The following COL12A1 variants were observed in gnomAD, a reference collection of about 807,000 sequenced individuals.
COL12A1 encodes the protein collagen alpha-1(XII) chain.
Under a neutral mutation model 349.7 loss-of-function variants are expected in COL12A1, and 114 were observed. The observed-to-expected ratio is 0.33, with a 90% CI of 0.28 to 0.38. The LOEUF (loss-of-function observed/expected upper bound fraction) is 0.38. Among genes scored for constraint, COL12A1 ranks in the 10% least tolerant of loss-of-function variants. The probability of loss-of-function intolerance (pLI) is 1.00; values close to 1 mark genes in which losing one functional copy is unlikely to be tolerated. For missense variants in COL12A1, 3,284 were observed against 3,756.9 expected, an observed-to-expected ratio of 0.87 and a Z score of 3.29; for synonymous variants, 1,369 against 1,329.0, an observed-to-expected ratio of 1.03 and a Z score of -0.66.
chr6:75,201,612 A>G (rs1300265140), intron 2 of COL12A1, among the ~76,000 whole-genome samples: 2 of 151,248 alleles, frequency 1.3e-5, no homozygotes, highest in African/African-American at 4.9e-5. Flanking sequence ...TAACTTCATC[A>G]GGGGTATTTC....
chr6:75,091,612 G>A, intron 60 of COL12A1, 87 bp from the exon 61 acceptor site: 6 of 1,317,884 alleles, frequency 4.6e-6, no homozygotes, highest in Non-Finnish European at 6.4e-6. Context: ...ACGAGAACAA[G>A]TTCTGTTTTC....
At chr6:75,101,223 T>A (rs1280857663) in intron 58 of COL12A1, among the ~76,000 whole-genome samples, 1 of 152,230 alleles carries the variant, frequency 6.6e-6, no homozygotes, top group Non-Finnish European at 1.5e-5. Flanking sequence ...GAGTCAAGGC[T>A]ACCCTCATGG....
chr6:75,149,943 A>T (rs1767398192), intron 21 of COL12A1, among the ~76,000 whole-genome samples: 3 of 152,164 alleles, frequency 2.0e-5, no homozygotes, highest in African/African-American at 4.8e-5. Context: ...AAGCCTACAA[A>T]TTCTGGCTGC....
At chr6:75,145,611 C>CTTTTTTTTTTTTTTTTTTTTCTTT (rs56698330) in intron 24 of COL12A1, among the ~76,000 whole-genome samples, 156 bp from the exon 25 acceptor site, 1 of 121,190 alleles carries the variant, frequency 8.3e-6, no homozygotes, top group African/African-American at 3.1e-5. Flanking sequence ...CTGATGTTTT[C>CTTTTTTTTTTTTTTTTTTTTCTTT]TTTTTTTTTT....
chr6:75,155,713 C>A lies in COL12A1; in HGVS notation c.3392G>T (p.Gly1131Val). 1 of 1,612,698 alleles carries A rather than the reference C, an allele frequency of 6.2e-7. No individual in the cohort carries two copies. Among genetic ancestry groups the A allele is most frequent in the Non-Finnish European group, 8.5e-7 (1 of 1,179,398 alleles). Residue 1131 changes from glycine to valine, a missense_variant, in exon 16 of 66, where the codon GGG (glycine) becomes GTG (valine). This residue lies in a region of COL12A1 where 2,601 missense variants were observed against 2,824.8 expected (regional missense o/e 0.92). Transcript: ENST00000322507. Reference sequence around the variant, plus strand: ...GTCATAGGGTCCAACCACTAACTCCCCCAGTCTTCTGTCATCCCCCGTAGG... The same window carrying A: ...GTCATAGGGTCCAACCACTAACTCCACCAGTCTTCTGTCATCCCCCGTAGG... Reference protein sequence around the residue: ...FHPTGDDRRLGELVVGPYDNT... With the variant: ...FHPTGDDRRLVELVVGPYDNT...
intron 46 of COL12A1, 111 bp from the exon 47 acceptor site, chr6:75,117,657 G>C (rs1339188262): frequency 8.9e-7 from 1 of 1,128,588 alleles, no homozygotes; most frequent in East Asian, 2.5e-5. Flanking sequence ...CTTAATGTAT[G>C]CAGCAAGTCC....
intron 3 of COL12A1, among the ~76,000 whole-genome samples, 176 bp downstream of exon 3, chr6:75,194,655 T>C (rs1770126365): frequency 6.6e-6 from 1 of 152,054 alleles, no homozygotes; most frequent in South Asian, 2.1e-4. Flanking sequence ...TAAAATATAA[T>C]AGTGGACACT....
At chr6:75,150,812 C>T (rs1767441934) in intron 21 of COL12A1, among the ~76,000 whole-genome samples, 1 of 151,926 alleles carries the variant, frequency 6.6e-6, no homozygotes, top group South Asian at 2.1e-4. Context: ...TGCAGGTATG[C>T]AGGATATAAA....
chr6:75,186,787 A>G (rs558764651), intron 8 of COL12A1, among the ~76,000 whole-genome samples: 1 of 152,328 alleles, frequency 6.6e-6, no homozygotes, highest in Non-Finnish European at 1.5e-5. Context: ...CTATACAGCC[A>G]TGAAAAAGAA....
chr6:75,166,343 G>A (rs573320461), intron 13 of COL12A1, among the ~76,000 whole-genome samples: 123 of 152,292 alleles, frequency 8.1e-4, no homozygotes, highest in African/African-American at 2.8e-3. Context: ...ACGTAGCAGT[G>A]CAAACTTTCA....
chr6:75,161,757 T>G (rs1339328795), intron 14 of COL12A1, among the ~76,000 whole-genome samples: 2 of 152,164 alleles, frequency 1.3e-5, no homozygotes, highest in African/African-American at 4.8e-5. Flanking sequence ...TTAGAAAACC[T>G]CACTGTCTCA....
At chr6:75,090,000 C>CCAAA in intron 63 of COL12A1, 110 bp downstream of exon 63, 1 of 1,180,340 alleles carries the variant, frequency 8.5e-7, no homozygotes, top group Non-Finnish European at 1.2e-6. Context: ...CCAAACAAGA[C>CCAAA]CAGGGAAAGC....
At chr6:75,101,802 T>A in intron 57 of COL12A1, 149 bp from the exon 58 acceptor site, 1 of 991,916 alleles carries the variant, frequency 1.0e-6, no homozygotes, top group South Asian at 1.6e-5. Flanking sequence ...AAGCATACAG[T>A]AGATGCTCAG....
At chr6:75,195,020 G>T (rs954198101) in intron 2 of COL12A1, 73 bp from the exon 3 acceptor site, 3 of 827,638 alleles carry the variant, frequency 3.6e-6, no homozygotes, top group Non-Finnish European at 5.7e-6. Flanking sequence ...ATAAAGAATT[G>T]TGTTGAGCAA....
chr6:75,087,815 A>C, intron 64 of COL12A1, 68 bp from the exon 65 acceptor site: 1 of 1,494,674 alleles, frequency 6.7e-7, no homozygotes, highest in African/African-American at 1.4e-5. Flanking sequence ...AGCCACCAAT[A>C]CTTTAAGTGG....
chr6:75,093,632 T>C (rs1308187405), intron 60 of COL12A1, among the ~76,000 whole-genome samples: 3 of 152,220 alleles, frequency 2.0e-5, no homozygotes, highest in Non-Finnish European at 4.4e-5. Flanking sequence ...TCTATTTCTT[T>C]GCCAAAAGTA....
At chr6:75,205,288 C>T (rs1280795408) in intron 1 of COL12A1, among the ~76,000 whole-genome samples, 1 of 150,944 alleles carries the variant, frequency 6.6e-6, no homozygotes, top group Non-Finnish European at 1.5e-5. Flanking sequence ...TACGAGATGC[C>T]ACACACACCC....
In COL12A1 at chr6:75,177,989, T is replaced by C. The variant is rs561364371; in HGVS notation, c.2165-54A>G. 9 of 1,499,832 alleles carry C rather than the reference T, an allele frequency of 6.0e-6. No homozygotes were observed. In the South Asian group the frequency reaches 1.0e-4, roughly 17 times the overall value. 92.9% of individuals were successfully genotyped at this position (1,499,832 alleles called of 1,614,324 possible). The stretch of plus-strand genomic sequence containing the variant: ...AAACCATAAATTGACTGACTTTATA[T>C]GAAAAATACAAAAATTACCTTTTTA... On this transcript the variant is annotated intron_variant, in intron 11 of 65. Coordinates refer to ENST00000322507, the MANE Select transcript of COL12A1 (RefSeq NM_004370.6).
intron 20 of COL12A1, 57 bp from the exon 21 acceptor site, chr6:75,151,344 T>A (rs1263026886): frequency 7.3e-6 from 11 of 1,510,668 alleles, no homozygotes; most frequent in Non-Finnish European, 1.0e-5. Context: ...ATTAATGGAA[T>A]GAAGCAAATG....
Sources: allele counts gnomAD v4.1 joint callset (sites outside exome capture counted in the v4.1 genomes callset), GRCh38; gene constraint gnomAD v4.1.1; regional missense constraint gnomAD v4.1.1; transcripts MANE v1.5; gene names NCBI Gene and HGNC (gene_info 2026-07-23, HGNC 2026-07-21).